The following UPF3A variants were observed in gnomAD, a reference collection of about 807,000 sequenced individuals.
UPF3A encodes UPF3A regulator of nonsense mediated mRNA decay.
In UPF3A, 42 loss-of-function variants were observed where a neutral mutation model predicts 53.5. That is an observed-to-expected ratio of 0.78 (90% confidence interval 0.61 to 1.01). UPF3A has a LOEUF of 1.01. Among genes scored for constraint, UPF3A ranks in the 50% least tolerant of loss-of-function variants. The pLI is 0.00. For missense variants in UPF3A, 575 were observed against 598.0 expected, an observed-to-expected ratio of 0.96 and a Z score of 0.40; for synonymous variants, 237 against 225.3, an observed-to-expected ratio of 1.05 and a Z score of -0.47.
rs1478340794 is a variant in UPF3A, at chr13:114,292,406, C to G, written c.846+614C>G. ...GTTCATTTTCGGCTCAAGGCTTACA[C>G]GTGCAGGTGTGCCACATGTTCATTT... On this transcript the variant is annotated intron_variant, in intron 7 of 9. Coordinates refer to ENST00000375299, the MANE Select transcript of UPF3A (RefSeq NM_023011.4). 1.4e-5 allele frequency among the ~76,000 whole-genome samples: 2 copies of G among 145,456 alleles called. 1 individual carries two copies. Among genetic ancestry groups the G allele is most frequent in the Non-Finnish European group, 3.0e-5 (2 of 67,034 alleles).
At chr13:114,295,746 C>T (rs941403973) in intron 7 of UPF3A, among the ~76,000 whole-genome samples, 10 of 152,186 alleles carry the variant, frequency 6.6e-5, no homozygotes, top group Non-Finnish European at 8.8e-5. Flanking sequence ...GTGCATCAGG[C>T]GCAAGTTCCT....
rs1566719427 is a variant in UPF3A, at chr13:114,282,203, G to A, written c.314+76G>A. The A allele has an allele frequency of 4.8e-6, 6 of 1,261,990 alleles. No individual in the cohort carries two copies. The South Asian group carries it at 5.6e-5, about 12-fold the overall frequency. 78.2% of individuals were successfully genotyped at this position (1,261,990 alleles called of 1,614,324 possible). A position where few individuals can be genotyped will look rare whatever the true frequency, so the allele number is the denominator to read the frequency against. ...GGCGGTGGCCGTCTCGTTGCCTTAC[G>A]TTCCTTACCCTGATTTCTCCTATAT... On this transcript the variant is annotated intron_variant, in intron 2 of 9. Coordinates refer to ENST00000375299, the MANE Select transcript of UPF3A (RefSeq NM_023011.4).
chr13:114,296,727 C>T (rs1382972180), intron 7 of UPF3A, among the ~76,000 whole-genome samples: 2 of 152,120 alleles, frequency 1.3e-5, no homozygotes, highest in African/African-American at 4.8e-5. Flanking sequence ...GAGCCCTTGA[C>T]CCGTGGGTTC....
intron 8 of UPF3A, among the ~76,000 whole-genome samples, chr13:114,299,810 G>A (rs1003713032): frequency 1.3e-5 from 2 of 152,188 alleles, no homozygotes; most frequent in Non-Finnish European, 2.9e-5. Flanking sequence ...CAGTCTCCTG[G>A]TGCCCAGGGC....
intron 8 of UPF3A, among the ~76,000 whole-genome samples, chr13:114,299,722 A>C (rs938911765): frequency 6.6e-6 from 1 of 152,166 alleles, no homozygotes; most frequent in African/African-American, 2.4e-5. Context: ...CCTGGCATCC[A>C]CCATCCTCAG....
chr13:114,285,500 C>T (rs951598937), intron 3 of UPF3A: 5 of 152,184 alleles, frequency 3.3e-5, no homozygotes, highest in African/African-American at 1.2e-4. Context: ...ACAAAAATAT[C>T]TCCCAGTTAA....
chr13:114,286,156 CT>C (rs2084666481), intron 3 of UPF3A, 145 bp from the exon 4 acceptor site: 1 of 1,055,664 alleles, frequency 9.5e-7, no homozygotes, highest in African/African-American at 1.6e-5. Context: ...TTTTTAATCT[CT>C]TACTGGAAGG....
At chr13:114,301,026 G>C (rs2086561128) in intron 8 of UPF3A, among the ~76,000 whole-genome samples, 2 of 148,808 alleles carry the variant, frequency 1.3e-5, no homozygotes, top group African/African-American at 5.2e-5. Flanking sequence ...GACCAGGCTG[G>C]TCTCCAACTC....
chr13:114,283,865 C>T (rs1265333672), intron 3 of UPF3A: 3 of 985,378 alleles, frequency 3.0e-6, no homozygotes, highest in Non-Finnish European at 3.6e-6. Context: ...CCCTCCCCAG[C>T]CACCCTCTTC....
intron 7 of UPF3A, among the ~76,000 whole-genome samples, chr13:114,298,408 C>T (rs1013990486): frequency 6.6e-5 from 10 of 151,188 alleles, no homozygotes; most frequent in South Asian, 2.1e-4. Context: ...GGTATGGTGG[C>T]GCATGCCTGT....
rs1009464780 is a variant in UPF3A at position 114,305,080 on chromosome 13, G to C, written c.*163G>C. 3 of 824,598 alleles carry C rather than the reference G, an allele frequency of 3.6e-6. No homozygotes were observed. The highest frequency in any genetic ancestry group is 5.8e-6 in the Non-Finnish European group (3 of 519,942). 51.1% of individuals were successfully genotyped at this position (824,598 alleles called of 1,614,324 possible). ...ACACGCAGAAACCATTCTAAAGAAA[G>C]TAGTGATCTTGTATTAAATTGAGCA... On this transcript the variant is annotated 3_prime_UTR_variant, in exon 10 of 10. Transcript: ENST00000375299.
chr13:114,298,867 G>A lies in UPF3A; in HGVS notation c.874G>A (p.Glu292Lys), dbSNP rs560113415. 6.3e-7 allele frequency: 1 copy of A among 1,584,764 alleles called. No individual in the cohort carries two copies. The highest frequency in any genetic ancestry group is 1.4e-5 in the African/African-American group (1 of 72,722). Residue 292 changes from glutamate (E) to lysine (K), a missense_variant, in exon 8 of 10, where the codon GAA becomes AAA. Coordinates refer to ENST00000375299, the MANE Select transcript of UPF3A (RefSeq NM_023011.4). ...TCTTAAGAAACCAGAAAAGGGAGAG[G>A]AACCAACCACAGAGAAACCAAAAGA... ...KLLKKPEKGE[E>K]PTTEKPKERG...
intron 2 of UPF3A, 84 bp downstream of exon 2, chr13:114,282,211 C>T: frequency 4.2e-6 from 5 of 1,187,576 alleles, no homozygotes; most frequent in African/African-American, 1.5e-5. Flanking sequence ...ACGTTCCTTA[C>T]CCTGATTTCT....
chr13:114,289,727 C>G (rs2085092555), intron 5 of UPF3A, among the ~76,000 whole-genome samples: 1 of 152,146 alleles, frequency 6.6e-6, no homozygotes, highest in East Asian at 1.9e-4. Flanking sequence ...TTAGAGCAGA[C>G]AGGCCTGGGT....
intron 5 of UPF3A, among the ~76,000 whole-genome samples, chr13:114,291,100 T>C (rs1321834029): frequency 6.6e-6 from 1 of 152,154 alleles, no homozygotes; most frequent in Non-Finnish European, 1.5e-5. Flanking sequence ...TTTTATGGAG[T>C]ATATATTGTA....
intron 3 of UPF3A, chr13:114,283,157 A>G: frequency 4.7e-6 from 2 of 426,226 alleles, no homozygotes; most frequent in Non-Finnish European, 4.2e-6. Flanking sequence ...CAGGGACCAC[A>G]GGCGTGTGCC....
chr13:114,292,936 G>C (rs902203492), intron 7 of UPF3A, among the ~76,000 whole-genome samples: 4 of 151,918 alleles, frequency 2.6e-5, no homozygotes, highest in African/African-American at 9.7e-5. Flanking sequence ...AGCCAGGTGT[G>C]GTGGCGGACG....
At chr13:114,302,061 C>A in intron 9 of UPF3A, 36 bp downstream of exon 9, 1 of 1,495,478 alleles carries the variant, frequency 6.7e-7, no homozygotes, top group East Asian at 2.3e-5. Flanking sequence ...ATGTGTCTGG[C>A]TGTCTTAAGG....
In UPF3A at chr13:114,282,087, C is replaced by G. The variant is rs1324725313; in HGVS notation, c.274C>G (p.Pro92Ala). The G allele has an allele frequency of 6.3e-6, 10 of 1,579,756 alleles. No individual in the cohort carries two copies. The Admixed American group carries it at 1.6e-4, about 26-fold the overall frequency. Residue 92 changes from proline to alanine, a missense_variant, in exon 2 of 10, where the codon CCA becomes GCA. Pro to Ala is a conservative substitution (Grantham distance 27). This residue lies in a region of UPF3A where 252 missense variants were observed against 182.7 expected (regional missense o/e 1.38). Transcript: ENST00000375299. ...EQLEEQLRPL[P>A]AHDYFEFFAA... is the part of the protein sequence containing the mutation. The stretch of plus-strand genomic sequence containing the variant: ...GCTGGAGGAGCAGCTGCGCCCGCTG[C>G]CAGCACACGACTACTTCGAGTTCTT...
Sources: gnomAD v4.1 joint callset for allele counts (sites outside exome capture counted in the v4.1 genomes callset) on GRCh38, gnomAD v4.1.1 for gene constraint, gnomAD v4.1.1 regional missense constraint, MANE v1.5 for transcripts, NCBI Gene and HGNC (gene_info 2026-07-23, HGNC 2026-07-21) for gene names.